The following KLHL1 variants were observed in gnomAD, a reference collection of about 807,000 sequenced individuals.
KLHL1 encodes the protein kelch-like protein 1.
Under a neutral mutation model 77.7 loss-of-function variants are expected in KLHL1, and 47 were observed. The observed-to-expected ratio is 0.60, with a 90% CI of 0.48 to 0.77. The LOEUF is 0.77. Ranked by LOEUF, KLHL1 falls within the 30% of genes least tolerant of loss-of-function variation. KLHL1 has a pLI of 0.00. For synonymous variants in KLHL1, 360 were observed against 325.2 expected (o/e 1.11, Z -1.15); for missense variants, 925 against 910.8 (o/e 1.02, Z -0.20).
chr13:70,033,534 C>A (rs1421285080), intron 1 of KLHL1, among the ~76,000 whole-genome samples: 1 of 150,452 alleles, frequency 6.6e-6, no homozygotes, highest in Non-Finnish European at 1.5e-5. Context: ...GTCTCAATCT[C>A]CGACCTCGTG....
intron 8 of KLHL1, among the ~76,000 whole-genome samples, chr13:69,727,709 C>T (rs1472078461): frequency 1.3e-5 from 2 of 152,110 alleles, no homozygotes; most frequent in Non-Finnish European, 2.9e-5. Context: ...TTAAATAATA[C>T]GTTTCAACAA....
chr13:69,948,094 T>A (rs778666627), intron 3 of KLHL1, among the ~76,000 whole-genome samples: 5 of 151,506 alleles, frequency 3.3e-5, no homozygotes, highest in African/African-American at 1.2e-4. Context: ...GAGATTGTTT[T>A]CAAAAAAAAA....
chr13:70,063,425 A>G (rs1047246074), intron 1 of KLHL1, among the ~76,000 whole-genome samples: 30 of 152,076 alleles, frequency 2.0e-4, no homozygotes, highest in African/African-American at 7.0e-4. Flanking sequence ...GCACCATCAC[A>G]TGGCTTCTGA....
intron 6 of KLHL1, among the ~76,000 whole-genome samples, chr13:69,829,695 G>A (rs1417718900): frequency 6.7e-6 from 1 of 149,842 alleles, no homozygotes; most frequent in Non-Finnish European, 1.5e-5. Context: ...AAAGAGCTGT[G>A]AGGCAAAGCA....
chr13:69,988,396 G>T (rs1274563674), intron 1 of KLHL1, among the ~76,000 whole-genome samples: 1 of 152,038 alleles, frequency 6.6e-6, no homozygotes, highest in Non-Finnish European at 1.5e-5. Context: ...CCATGTCTTT[G>T]CTATTGTGAA....
rs114808510 is a variant in KLHL1 at position 70,060,672 on chromosome 13, C to A, written c.497+46531G>T. Among the ~76,000 whole-genome samples, 733 of 151,950 alleles carry A rather than the reference C, an allele frequency of 4.8e-3. 2 individuals are homozygous for A. The highest frequency in any genetic ancestry group is 0.017 in the African/African-American group (706 of 41,442). On this transcript the variant is annotated intron_variant, in intron 1 of 10. Coordinates refer to ENST00000377844, the MANE Select transcript of KLHL1 (RefSeq NM_020866.3). ...CAGCCTGGCCAACGTGGTGAAACCC[C>A]CGTCTTGACCACAGATACAAAAAAT...
At chr13:69,846,524 T>C (rs1054913096) in intron 5 of KLHL1, among the ~76,000 whole-genome samples, 2 of 151,498 alleles carry the variant, frequency 1.3e-5, no homozygotes, top group Non-Finnish European at 1.5e-5. Context: ...GTATTTTCCC[T>C]TCAGTTACCT....
rs1441827388 is a variant in KLHL1 at position 69,700,769 on chromosome 13, G to A, written c.*933C>T. ...AATGGGCGATGAGAATATGAAGTCT[G>A]CCTTCTTTCTAGCAATAATCATAAA... is the stretch of plus-strand genomic sequence containing the variant. On this transcript the variant is annotated 3_prime_UTR_variant, in exon 11 of 11. Coordinates refer to ENST00000377844, the MANE Select transcript of KLHL1 (RefSeq NM_020866.3). 4 of 152,262 alleles carry A rather than the reference G, an allele frequency of 2.6e-5. No individual in the cohort carries two copies. In the East Asian group the frequency reaches 7.7e-4, roughly 29 times the overall value. The allele number at this position is 152,262 out of a possible 1,614,324, so 9.4% of individuals were successfully genotyped here.
At chr13:70,013,774 G>T (rs569381321) in intron 1 of KLHL1, among the ~76,000 whole-genome samples, 6 of 152,230 alleles carry the variant, frequency 3.9e-5, no homozygotes, top group African/African-American at 1.4e-4. Context: ...TCTCACAGAT[G>T]CCTCTGATAC....
At chr13:69,815,343 T>A (rs1006875477) in intron 6 of KLHL1, among the ~76,000 whole-genome samples, 3 of 152,162 alleles carry the variant, frequency 2.0e-5, no homozygotes, top group Non-Finnish European at 4.4e-5. Context: ...GAAAATGTGG[T>A]ACATATACAC....
At chr13:69,929,340 A>G (rs540906128) in intron 4 of KLHL1, among the ~76,000 whole-genome samples, 77 of 152,108 alleles carry the variant, frequency 5.1e-4, no homozygotes, top group African/African-American at 1.7e-3. Context: ...GAAATCTCAA[A>G]CGCCTTCAGT....
intron 1 of KLHL1, among the ~76,000 whole-genome samples, chr13:70,035,873 A>G (rs1886226131): frequency 6.6e-6 from 1 of 152,048 alleles, no homozygotes; most frequent in Admixed American, 6.5e-5. Flanking sequence ...AATAATTCTC[A>G]TCTATAGATG....
intron 1 of KLHL1, among the ~76,000 whole-genome samples, chr13:70,079,862 G>C (rs1464291202): frequency 6.6e-6 from 1 of 152,126 alleles, no homozygotes; most frequent in Non-Finnish European, 1.5e-5. Flanking sequence ...TCCATACCTT[G>C]TGTGATTATT....
chr13:69,968,391 T>C (rs558423505), intron 2 of KLHL1, among the ~76,000 whole-genome samples: 1 of 149,974 alleles, frequency 6.7e-6, no homozygotes, highest in East Asian at 2.0e-4. Context: ...ATATAATATA[T>C]ATTTTGGTGA....
chr13:69,917,161 G>A (rs1178249099), intron 4 of KLHL1, among the ~76,000 whole-genome samples: 2 of 151,868 alleles, frequency 1.3e-5, no homozygotes, highest in Non-Finnish European at 2.9e-5. Context: ...GTAAGCTGTA[G>A]CAAGTCAAAA....
intron 1 of KLHL1, among the ~76,000 whole-genome samples, chr13:70,017,384 A>T (rs922747357): frequency 6.6e-6 from 1 of 152,206 alleles, no homozygotes; most frequent in Non-Finnish European, 1.5e-5. Flanking sequence ...ACAATTGCCC[A>T]CATCGGAAGC....
chr13:69,780,690 A>ATATATATG (rs1876101558), intron 7 of KLHL1, among the ~76,000 whole-genome samples: 2 of 10,082 alleles, frequency 2.0e-4, no homozygotes, highest in African/African-American at 4.0e-4. Flanking sequence ...TTCTTCATAT[A>ATATATATG]TATATATATA....
rs1204972091 is a variant in KLHL1 at position 69,838,974 on chromosome 13, A to G, written c.1414+2T>C. ...TAGTTATATAAATCCAGAATTAAATACCTTTGTTGTTATCCATTCCTCCTA... is the reference window on the plus strand; with the variant it reads ...TAGTTATATAAATCCAGAATTAAATGCCTTTGTTGTTATCCATTCCTCCTA... On this transcript the variant is annotated splice_donor_variant, in intron 6 of 10. Transcript: ENST00000377844. LOFTEE classifies it high-confidence loss of function. 9 of 1,589,510 alleles carry G rather than the reference A, an allele frequency of 5.7e-6. 1 individual carries two copies. The highest frequency in any genetic ancestry group is 4.6e-5 in the South Asian group (4 of 86,184).
chr13:70,059,856 C>T (rs551476560), intron 1 of KLHL1, among the ~76,000 whole-genome samples: 3 of 152,256 alleles, frequency 2.0e-5, no homozygotes, highest in East Asian at 3.9e-4. Flanking sequence ...GGAGGTGCTG[C>T]ACACTTTGAA....
Sources: allele counts gnomAD v4.1 joint callset (sites outside exome capture counted in the v4.1 genomes callset), GRCh38; gene constraint gnomAD v4.1.1; transcripts MANE v1.5; gene names NCBI Gene and HGNC (gene_info 2026-07-23, HGNC 2026-07-21).